KMT2C: variants seen among roughly 807,000 people sequenced by gnomAD.
KMT2C encodes lysine methyltransferase 2C.
Under a neutral mutation model 507.9 loss-of-function variants are expected in KMT2C, and 88 were observed. The ratio of observed to expected loss-of-function variants is 0.17; its 90% CI spans 0.15 to 0.21. The LOEUF (loss-of-function observed/expected upper bound fraction) is 0.21. KMT2C is among the 10% of genes least tolerant of loss of function. KMT2C has a pLI of 1.00. For missense variants in KMT2C, 4,954 were observed against 5,957.8 expected (o/e 0.83, Z 5.55); for synonymous variants, 2,049 against 2,080.8 (o/e 0.98, Z 0.42).
In KMT2C at chr7:152,176,969, A is replaced by C. The variant is rs752234112; in HGVS notation, c.8484T>G (p.Ser2828=). The C allele has an allele frequency of 6.9e-5, 112 of 1,614,068 alleles. 4 individuals are homozygous for C. The South Asian group carries it at 1.2e-3, about 17-fold the overall frequency. ...ATTTGGATTCCACCTTAGAATTTGGAGACAGTACTTCCGTTTTTACCTCAT... is the reference window on the plus strand; with the variant it reads ...ATTTGGATTCCACCTTAGAATTTGGCGACAGTACTTCCGTTTTTACCTCAT... ...VTNEVKTEVL[S]PNSKVESKCE... The change falls in exon 38 of 59, where the codon TCT becomes TCG. Residue 2828 remains serine, a synonymous_variant. Coordinates refer to ENST00000262189, the MANE Select transcript of KMT2C (RefSeq NM_170606.3).
intron 2 of KMT2C, among the ~76,000 whole-genome samples, chr7:152,339,808 A>C (rs977382351): frequency 2.0e-5 from 3 of 152,156 alleles, no homozygotes; most frequent in African/African-American, 7.2e-5. Flanking sequence ...CTTAATTAAT[A>C]TTATATAATA....
chr7:152,290,764 T>A (rs2096414226), intron 6 of KMT2C, among the ~76,000 whole-genome samples: 1 of 152,170 alleles, frequency 6.6e-6, no homozygotes, highest in Non-Finnish European at 1.5e-5. Context: ...TGTGCTTTCA[T>A]TCTTATAGTA....
intron 42 of KMT2C, 104 bp from the exon 43 acceptor site, chr7:152,163,930 C>A (rs2129104812): frequency 9.1e-7 from 1 of 1,099,564 alleles, no homozygotes; most frequent in Non-Finnish European, 1.3e-6. Flanking sequence ...GGCAGTTTGG[C>A]CCTGCAGAAG....
In KMT2C at chr7:152,182,219, C is replaced by T. The variant is rs1737323093; in HGVS notation, c.5641G>A (p.Val1881Met). 6.2e-7 allele frequency: 1 copy of T among 1,613,884 alleles called. No individual in the cohort carries two copies. Among genetic ancestry groups the T allele is most frequent in the African/African-American group, 1.3e-5 (1 of 74,870 alleles). Reference sequence around the variant, plus strand: ...GAGTTAGAGGACCCAGGTGAAAACACTTGCGGTGAGGGTGGCTGAGAAGTC... The same window carrying T: ...GAGTTAGAGGACCCAGGTGAAAACATTTGCGGTGAGGGTGGCTGAGAAGTC... The part of the protein sequence containing the change: ...AQTSQPPSPQ[V>M]FSPGSSNSRP... The change falls in exon 36 of 59, where the codon GTG becomes ATG. Residue 1881 changes from valine (V) to methionine (M), a missense_variant. Transcript: ENST00000262189.
intron 40 of KMT2C, among the ~76,000 whole-genome samples, chr7:152,170,727 T>C (rs906273149): frequency 2.0e-5 from 3 of 152,316 alleles, no homozygotes; most frequent in African/African-American, 7.2e-5. Context: ...GGTCTCAAAC[T>C]GCTGACTTCA....
intron 4 of KMT2C, among the ~76,000 whole-genome samples, chr7:152,314,782 A>C (rs1220907908): frequency 6.6e-6 from 1 of 152,188 alleles, no homozygotes. Context: ...CAAAAGAAGG[A>C]CTTTATTGAT....
chr7:152,348,404 C>T (rs1226965784), intron 2 of KMT2C, among the ~76,000 whole-genome samples: 1 of 151,442 alleles, frequency 6.6e-6, no homozygotes, highest in East Asian at 1.9e-4. Flanking sequence ...CGAGATCAGT[C>T]TGACCAACAT....
intron 6 of KMT2C, among the ~76,000 whole-genome samples, chr7:152,290,282 ATATATATATATATTTTTTTTTT>A (rs2096398715): frequency 2.4e-4 from 8 of 32,890 alleles, no homozygotes; most frequent in African/African-American, 1.1e-3. Context: ...ATATATATAT[ATATATATATATATTTTTTTTTT>A]TTTTTTTTTT....
At chr7:152,245,291 A>G (rs73728784) in intron 14 of KMT2C, among the ~76,000 whole-genome samples, 17 of 152,102 alleles carry the variant, frequency 1.1e-4, no homozygotes, top group Non-Finnish European at 2.2e-4. Flanking sequence ...TGCTGTTTTT[A>G]TATTTCTCAA....
At chr7:152,335,444 C>G (rs1297748402) in intron 2 of KMT2C, among the ~76,000 whole-genome samples, 1 of 152,124 alleles carries the variant, frequency 6.6e-6, no homozygotes, top group Admixed American at 6.5e-5. Flanking sequence ...CAGAAACTTA[C>G]CAACAATGAG....
At chr7:152,155,821 T>G in intron 46 of KMT2C, 89 bp downstream of exon 46, 1 of 1,262,022 alleles carries the variant, frequency 7.9e-7, no homozygotes, top group Non-Finnish European at 1.1e-6. Flanking sequence ...TTACATGCTA[T>G]TCCTAAAGAC....
chr7:152,430,538 G>C (rs1256025599), intron 1 of KMT2C, among the ~76,000 whole-genome samples: 2 of 152,186 alleles, frequency 1.3e-5, no homozygotes, highest in South Asian at 4.1e-4. Context: ...ACCATCTAAT[G>C]TTCCTATTTA....
chr7:152,152,236 G>A (rs1257325991), intron 49 of KMT2C, among the ~76,000 whole-genome samples: 2 of 152,216 alleles, frequency 1.3e-5, no homozygotes, highest in Non-Finnish European at 2.9e-5. Context: ...TCAGAGATGG[G>A]GGGCATGAAC....
At position 152,205,093 on chromosome 7, in the gene KMT2C, G is replaced by A. The variant is rs2094265273; in HGVS notation, c.3961+13C>T. The A allele has an allele frequency of 6.3e-7, 1 of 1,574,880 alleles. No homozygotes were observed. Among genetic ancestry groups the A allele is most frequent in the South Asian group, 1.2e-5 (1 of 85,584 alleles). ...CATTAAAAAAAAAATTTTTTTTTAA[G>A]TCAGTACTATACCATCATCTCTGCA... On this transcript the variant is annotated intron_variant, in intron 25 of 58. Coordinates refer to ENST00000262189, the MANE Select transcript of KMT2C (RefSeq NM_170606.3).
chr7:152,259,623 T>C (rs1388678894), intron 9 of KMT2C, among the ~76,000 whole-genome samples: 3 of 152,156 alleles, frequency 2.0e-5, no homozygotes, highest in Non-Finnish European at 4.4e-5. Context: ...GTAAAAACTT[T>C]CTAAAAACAC....
At chr7:152,413,408 C>A (rs1256381402) in intron 1 of KMT2C, among the ~76,000 whole-genome samples, 2 of 152,116 alleles carry the variant, frequency 1.3e-5, no homozygotes, top group African/African-American at 2.4e-5. Flanking sequence ...CCACTGCGCC[C>A]AGCCACAAAA....
In KMT2C at chr7:152,150,804, T is replaced by A. The variant is rs894286133; in HGVS notation, c.12774+96A>T. ...TTTGGATTCCCCACACAGAGCTCCA[T>A]GAAGGCAGGGACACATCTTTATTCA... On this transcript the variant is annotated intron_variant, in intron 51 of 58. Transcript: ENST00000262189. 1.1e-5 allele frequency: 9 copies of A among 839,478 alleles called. No homozygotes were observed. The Admixed American group carries it at 1.4e-4, about 13-fold the overall frequency. The allele number at this position is 839,478 out of a possible 1,614,324, so 52.0% of individuals were successfully genotyped here.
intron 6 of KMT2C, among the ~76,000 whole-genome samples, chr7:152,285,865 A>T (rs1206519552): frequency 6.7e-6 from 1 of 150,270 alleles, no homozygotes; most frequent in Non-Finnish European, 1.5e-5. Flanking sequence ...GGCACCTATA[A>T]TCCCAGCTAC....
chr7:152,416,575 A>C (rs1417763559), intron 1 of KMT2C, among the ~76,000 whole-genome samples: 1 of 150,992 alleles, frequency 6.6e-6, no homozygotes, highest in African/African-American at 2.4e-5. Flanking sequence ...AACAACAAAA[A>C]ATTAGCCAGG....
Sources: allele counts gnomAD v4.1 joint callset (sites outside exome capture counted in the v4.1 genomes callset), GRCh38; gene constraint gnomAD v4.1.1; transcripts MANE v1.5; gene names NCBI Gene and HGNC (gene_info 2026-07-23, HGNC 2026-07-21).